NOS3: variants seen among roughly 807,000 people sequenced by gnomAD.
The protein encoded by NOS3 is nitric oxide synthase 3.
A neutral mutation model predicts 144.9 loss-of-function variants in NOS3; 98 were observed. That is an observed-to-expected ratio of 0.68 (90% CI 0.57 to 0.80). The LOEUF (loss-of-function observed/expected upper bound fraction) is 0.80, where lower values mean the gene tolerates loss of function less well. Ranked by LOEUF, NOS3 falls within the 30% of genes least tolerant of loss-of-function variation. The pLI, the probability that NOS3 is intolerant of heterozygous loss-of-function variation, is 0.00. For synonymous variants in NOS3, 714 were observed against 702.4 expected (o/e 1.02, Z -0.26); for missense variants, 1,465 against 1,656.4 (o/e 0.88, Z 2.01).
chr7:150,996,786 AGCG>A lies in NOS3; in HGVS notation c.446_448del (p.Arg149del), dbSNP rs1270224510. 6.2e-7 allele frequency: 1 copy of A among 1,611,350 alleles called. No individual in the cohort carries two copies. The highest frequency in any genetic ancestry group is 8.5e-7 in the Non-Finnish European group (1 of 1,179,624). ...AGGAGCGGCTCCCAGGCCCACGAAC[AGCG>A]GCTTCAAGAGGTGGAAGCCGAGGTG... On this transcript the variant is annotated inframe_deletion, in exon 5 of 27. Coordinates refer to ENST00000297494, the MANE Select transcript of NOS3 (RefSeq NM_000603.5).
chr7:150,995,080 A>G, intron 2 of NOS3, 123 bp from the exon 3 acceptor site: 1 of 589,216 alleles, frequency 1.7e-6, no homozygotes, highest in Non-Finnish European at 3.1e-6. Flanking sequence ...GGGGAACGCC[A>G]GAAGGCATGC....
rs1041823754 is a variant in NOS3, at chr7:151,010,945, C to T, written c.2943C>T (p.Ser981=). 3.1e-6 allele frequency: 5 copies of T among 1,613,942 alleles called. No homozygotes were observed. The highest frequency in any genetic ancestry group is 1.7e-4 in the Middle Eastern group (1 of 6,060). The change falls in exon 23 of 27, where the codon AGC becomes AGT. Residue 981 remains serine (S), a synonymous_variant. Transcript: ENST00000297494. ...ATGGAGTCTGCTCCACGTGGCTAAG[C>T]CAGCTCAAGCCCGGAGACCCTGTGC... ...LHYGVCSTWL[S]QLKPGDPVPC...
At chr7:150,994,464 G>C (rs889354163) in intron 2 of NOS3, among the ~76,000 whole-genome samples, 3 of 152,184 alleles carry the variant, frequency 2.0e-5, no homozygotes, top group Admixed American at 6.5e-5. Flanking sequence ...GGGTAAGCAG[G>C]CTGAGAAGAC....
At chr7:151,008,543 G>T (rs938044181) in intron 17 of NOS3, among the ~76,000 whole-genome samples, 1 of 152,210 alleles carries the variant, frequency 6.6e-6, no homozygotes, top group Non-Finnish European at 1.5e-5. Context: ...ATCTTCACCA[G>T]AACACAATGA....
Position 151,013,686 on chromosome 7 carries a change from C to G in NOS3, c.3256-38C>G, listed in dbSNP as rs956342645. 3.4e-5 allele frequency: 50 copies of G among 1,482,542 alleles called. 1 individual carries two copies. The highest frequency in any genetic ancestry group is 4.4e-5 in the Non-Finnish European group (48 of 1,095,490). The allele number at this position is 1,482,542 out of a possible 1,614,324, so 91.8% of individuals were successfully genotyped here. On this transcript the variant is annotated intron_variant, in intron 25 of 26. Coordinates refer to ENST00000297494, the MANE Select transcript of NOS3 (RefSeq NM_000603.5). ...GCCCCGGGCTGCGCCCCCGCGCCCA[C>G]CCCCACCAGGGCCCGCCCTAACCCC...
intron 2 of NOS3, among the ~76,000 whole-genome samples, chr7:150,994,692 G>C (rs189488945): frequency 6.6e-6 from 1 of 152,302 alleles, no homozygotes; most frequent in East Asian, 1.9e-4. Flanking sequence ...CTGCTCAGGC[G>C]CACCCTTGGC....
At chr7:151,005,799 C>CTTT (rs1795197286) in intron 14 of NOS3, among the ~76,000 whole-genome samples, 1 of 152,156 alleles carries the variant, frequency 6.6e-6, no homozygotes, top group Non-Finnish European at 1.5e-5. Flanking sequence ...AAGTCCAGGC[C>CTTT]GGAGGATCGC....
At chr7:151,007,793 T>C (rs1795229543) in intron 17 of NOS3, among the ~76,000 whole-genome samples, 1 of 152,336 alleles carries the variant, frequency 6.6e-6, no homozygotes, top group African/African-American at 2.4e-5. Context: ...CCCTGGGGGC[T>C]GTGGCTTTTT....
chr7:151,009,751 C>G (rs907731135), intron 20 of NOS3, among the ~76,000 whole-genome samples, 166 bp downstream of exon 20: 1 of 152,164 alleles, frequency 6.6e-6, no homozygotes, highest in Non-Finnish European at 1.5e-5. Flanking sequence ...CCGGGCTGGC[C>G]TTGTTGCTGG....
chr7:151,001,098 G>C, intron 10 of NOS3, 133 bp from the exon 11 acceptor site: 1 of 838,038 alleles, frequency 1.2e-6, no homozygotes, highest in South Asian at 1.6e-5. Flanking sequence ...ATTGTGGTTT[G>C]AGGGGACACA....
chr7:151,008,813 T>C, intron 17 of NOS3, 117 bp from the exon 18 acceptor site: 4 of 1,224,316 alleles, frequency 3.3e-6, no homozygotes, highest in Non-Finnish European at 4.4e-6. Context: ...GGCGCCGGCC[T>C]CAGCCACTGG....
At position 151,014,194 on chromosome 7, in the gene NOS3, T is replaced by G. The variant is rs766891052; in HGVS notation, c.*25T>G. The G allele has an allele frequency of 2.5e-6, 4 of 1,584,306 alleles. No homozygotes were observed. The East Asian group carries it at 9.1e-5, about 36-fold the overall frequency. ...AGAGCCGCCTGGCTTTCCCTTCCAG[T>G]TCCGGGAGAGCGGCTGCCCGACTCA... On this transcript the variant is annotated 3_prime_UTR_variant, in exon 27 of 27. Transcript: ENST00000297494.
Position 151,009,093 on chromosome 7 carries a change from G to A in NOS3, c.2245+31G>A, listed in dbSNP as rs1292521629. On this transcript the variant is annotated intron_variant, in intron 18 of 26. Coordinates refer to ENST00000297494, the MANE Select transcript of NOS3 (RefSeq NM_000603.5). ...CCCTGCCCTCACCCTAACCCGGCTGGTTCTCTGAGGCCCCCACACCCCGGG... is the reference window on the plus strand; with the variant it reads ...CCCTGCCCTCACCCTAACCCGGCTGATTCTCTGAGGCCCCCACACCCCGGG... The A allele has an allele frequency of 9.9e-6, 16 of 1,612,836 alleles. 1 individual carries two copies. The South Asian group carries it at 1.6e-4, about 17-fold the overall frequency.
rs3138808 is a variant in NOS3, at chr7:151,002,383, AACACACACAC to A, written c.1752+140_1752+149del. 6,061 of 270,678 alleles carry A rather than the reference AACACACACAC, an allele frequency of 0.022. 211 individuals are homozygous for A. Among genetic ancestry groups the A allele is most frequent in the African/African-American group, 0.04 (975 of 24,464 alleles). The allele number at this position is 270,678 out of a possible 1,614,324, so 16.8% of individuals were successfully genotyped here. A position where few individuals can be genotyped will look rare whatever the true frequency, so the allele number is the denominator to read the frequency against. ...AGTGACTGGGCAGGAACCTCTGCCCAACACACACACACACACACACACACACACACACACA... is the reference window on the plus strand; with the variant it reads ...AGTGACTGGGCAGGAACCTCTGCCCAACACACACACACACACACACACACA... On this transcript the variant is annotated intron_variant, in intron 14 of 26. Coordinates refer to ENST00000297494, the MANE Select transcript of NOS3 (RefSeq NM_000603.5). This position sits in a 1 kb window ranked among gnomAD's most constrained non-coding sequence, Gnocchi z 4.1.
intron 23 of NOS3, among the ~76,000 whole-genome samples, chr7:151,011,395 AAAG>A (rs1368491016): frequency 1.3e-5 from 2 of 151,670 alleles, no homozygotes; most frequent in Admixed American, 6.6e-5. Context: ...CCAAGGACTC[AAAG>A]AAGGTGAAGG....
intron 5 of NOS3, among the ~76,000 whole-genome samples, chr7:150,997,295 C>T (rs993083021): frequency 1.3e-5 from 2 of 151,674 alleles, no homozygotes; most frequent in South Asian, 4.2e-4. Flanking sequence ...AGACCTGCTG[C>T]GGGGGTGAGG....
rs1425989312 is a variant in NOS3, at chr7:150,993,413, GAGGCCGA to G, written c.-51-334_-51-328del. On this transcript the variant is annotated intron_variant, in intron 1 of 26. Coordinates refer to ENST00000297494, the MANE Select transcript of NOS3 (RefSeq NM_000603.5). The surrounding 1 kb of genome is among the most constrained non-coding windows in gnomAD (Gnocchi z 4.0). Reference sequence around the variant, plus strand: ...CCTCCAGGGAAAGGCACACAGGGGTGAGGCCGAAGGCCCTTCCGTCTGGTGCCACATC... The same window carrying G: ...CCTCCAGGGAAAGGCACACAGGGGTGAGGCCCTTCCGTCTGGTGCCACATC... Among the ~76,000 whole-genome samples, 1 of 152,186 alleles carries G rather than the reference GAGGCCGA, an allele frequency of 6.6e-6. No individual in the cohort carries two copies. The highest frequency in any genetic ancestry group is 1.5e-5 in the Non-Finnish European group (1 of 68,010).
At position 151,010,867 on chromosome 7, in the gene NOS3, G is replaced by T. The variant is rs560090727; in HGVS notation, c.2897-32G>T. ...CAGGGTTGGGACCGGCCCCTCTCTG[G>T]CCCCTCACCGGCCTCTCCTTCCCAC... is the stretch of plus-strand genomic sequence containing the variant. On this transcript the variant is annotated intron_variant, in intron 22 of 26. Coordinates refer to ENST00000297494, the MANE Select transcript of NOS3 (RefSeq NM_000603.5). 9.3e-6 allele frequency: 15 copies of T among 1,608,606 alleles called. No individual in the cohort carries two copies. The South Asian group carries it at 1.7e-4, about 18-fold the overall frequency.
chr7:150,991,871 C>G (rs1802261045), intron 1 of NOS3, among the ~76,000 whole-genome samples: 1 of 152,054 alleles, frequency 6.6e-6, no homozygotes, highest in Admixed American at 6.6e-5. Flanking sequence ...TGGTGGGTAC[C>G]TGTAATCTCA....
Sources: gnomAD v4.1 joint callset for allele counts (sites outside exome capture counted in the v4.1 genomes callset) on GRCh38, gnomAD v4.1.1 for gene constraint, Gnocchi (gnomAD v3.1) non-coding constraint, MANE v1.5 for transcripts, NCBI Gene and HGNC (gene_info 2026-07-23, HGNC 2026-07-21) for gene names.